The following USH2A variants were observed in gnomAD, a reference collection of about 807,000 sequenced individuals.
The protein encoded by USH2A is usherin, also known as Usher syndrome 2A (autosomal recessive, mild).
In USH2A, 443 loss-of-function variants were observed where a neutral mutation model predicts 538.9. The ratio of observed to expected loss-of-function variants is 0.82; its 90% CI spans 0.76 to 0.89. The LOEUF is 0.89. USH2A is among the 40% of genes least tolerant of loss of function. The probability of loss-of-function intolerance (pLI) is 0.00; values close to 1 mark genes in which losing one functional copy is unlikely to be tolerated. For missense variants in USH2A, 6,633 were observed against 6,324.8 expected, an observed-to-expected ratio of 1.05 and a Z score of -1.65; for synonymous variants, 2,413 against 2,273.5, an observed-to-expected ratio of 1.06 and a Z score of -1.75.
At chr1:216,025,210 T>C (rs922930715) in intron 32 of USH2A, among the ~76,000 whole-genome samples, 6 of 151,832 alleles carry the variant, frequency 4.0e-5, no homozygotes, top group Non-Finnish European at 8.8e-5. Flanking sequence ...TAATAAAATA[T>C]AAATTCAGAG....
intron 71 of USH2A, among the ~76,000 whole-genome samples, chr1:215,626,454 G>A (rs1656028438): frequency 6.6e-6 from 1 of 151,664 alleles, no homozygotes; most frequent in Non-Finnish European, 1.5e-5. Flanking sequence ...TAGTTCAAAC[G>A]GTAAATGGAA....
intron 58 of USH2A, among the ~76,000 whole-genome samples, chr1:215,754,350 A>G (rs1028704155): frequency 6.6e-6 from 1 of 152,180 alleles, no homozygotes; most frequent in Non-Finnish European, 1.5e-5. Flanking sequence ...ACTTATAAAC[A>G]TGTACTAAGG....
chr1:215,960,127 T>A (rs1667164246), intron 37 of USH2A, among the ~76,000 whole-genome samples: 1 of 152,142 alleles, frequency 6.6e-6, no homozygotes, highest in Non-Finnish European at 1.5e-5. Context: ...TTTTCATAGT[T>A]TTTATTTTTC....
At chr1:215,918,871 A>G (rs986115351) in intron 38 of USH2A, among the ~76,000 whole-genome samples, 5 of 152,216 alleles carry the variant, frequency 3.3e-5, no homozygotes, top group African/African-American at 1.2e-4. Flanking sequence ...TAGTCACAAA[A>G]TTATTATCCA....
intron 51 of USH2A, among the ~76,000 whole-genome samples, chr1:215,789,174 T>G (rs1382310891): frequency 6.6e-6 from 1 of 152,234 alleles, no homozygotes; most frequent in Non-Finnish European, 1.5e-5. Context: ...AGAAATATTG[T>G]CCTCATTAGA....
At chr1:215,684,879 C>T (rs1558053250) in intron 61 of USH2A, among the ~76,000 whole-genome samples, 1 of 150,750 alleles carries the variant, frequency 6.6e-6, no homozygotes, top group East Asian at 1.9e-4. Context: ...GAGAATAAGT[C>T]ACATCAAAAA....
At chr1:215,693,342 C>T (rs377466093) in intron 61 of USH2A, among the ~76,000 whole-genome samples, 12 of 151,998 alleles carry the variant, frequency 7.9e-5, no homozygotes, top group African/African-American at 2.9e-4. Context: ...AGTTTTTGCT[C>T]CTACTATGTC....
At chr1:216,248,824 T>C (rs2036102277) in intron 12 of USH2A, among the ~76,000 whole-genome samples, 2 of 152,102 alleles carry the variant, frequency 1.3e-5, no homozygotes, top group Admixed American at 6.5e-5. Context: ...AATCTATTCC[T>C]AACGATAGTC....
At chr1:216,231,237 TATATATATATATTATATATATAA>T in intron 14 of USH2A, among the ~76,000 whole-genome samples, 1 of 41,264 alleles carries the variant, frequency 2.4e-5, no homozygotes, top group East Asian at 2.1e-3. Flanking sequence ...ATATCCCATA[TATATATATATATTATATATATAA>T]TATATATATA....
rs189481966 is a variant in USH2A at position 215,782,254 on chromosome 1, A to G, written c.10586-58T>C. The G allele has an allele frequency of 6.4e-6, 10 of 1,567,598 alleles. No individual in the cohort carries two copies. In the Admixed American group the frequency reaches 1.5e-4, roughly 24 times the overall value. Reference sequence around the variant, plus strand: ...TGTGATATCATTTTAACTATTTGCAAACAACTTACAAATCTTAGTGTTCGG... The same window carrying G: ...TGTGATATCATTTTAACTATTTGCAGACAACTTACAAATCTTAGTGTTCGG... On this transcript the variant is annotated intron_variant, in intron 53 of 71. Coordinates refer to ENST00000307340, the MANE Select transcript of USH2A (RefSeq NM_206933.4).
At chr1:215,847,705 G>A (rs1663902591) in intron 44 of USH2A, among the ~76,000 whole-genome samples, 1 of 151,790 alleles carries the variant, frequency 6.6e-6, no homozygotes. Context: ...GGAGGAAAAA[G>A]TGGCATTTCT....
chr1:215,916,635 G>A (rs749439546), intron 38 of USH2A, among the ~76,000 whole-genome samples: 2 of 152,028 alleles, frequency 1.3e-5, no homozygotes, highest in African/African-American at 2.4e-5. Flanking sequence ...AATGAAAAAT[G>A]GTTCCCATGT....
intron 61 of USH2A, among the ~76,000 whole-genome samples, chr1:215,700,431 T>C (rs1292282859): frequency 1.3e-5 from 2 of 152,222 alleles, no homozygotes; most frequent in African/African-American, 4.8e-5. Context: ...TGAATCCTTC[T>C]GGTCCTGGGC....
chr1:216,105,361 G>GT (rs34761385), intron 21 of USH2A, among the ~76,000 whole-genome samples: 50,303 of 149,772 alleles, frequency 0.34, 9,554 homozygotes, highest in East Asian at 0.82. Context: ...AAGCTTTATT[G>GT]TTTTTTTTTG....
intron 47 of USH2A, among the ~76,000 whole-genome samples, chr1:215,836,468 A>ATATATATATAATATATAT: frequency 7.4e-5 from 1 of 13,542 alleles, no homozygotes; most frequent in African/African-American, 1.5e-4. Context: ...TATATATTAT[A>ATATATATATAATATATAT]TATATATATA....
chr1:215,629,835 G>GT (rs1656203966), intron 70 of USH2A, among the ~76,000 whole-genome samples: 1 of 147,278 alleles, frequency 6.8e-6, no homozygotes, highest in African/African-American at 2.6e-5. Flanking sequence ...GAGTGCAGTG[G>GT]TGCAATCTCG....
intron 16 of USH2A, among the ~76,000 whole-genome samples, chr1:216,200,828 A>G (rs2034971577): frequency 1.3e-5 from 2 of 152,164 alleles, no homozygotes; most frequent in South Asian, 4.1e-4. Flanking sequence ...CGAAACACAC[A>G]AATACCAGAG....
intron 58 of USH2A, among the ~76,000 whole-genome samples, chr1:215,753,717 C>T (rs868644162): frequency 2.2e-4 from 33 of 151,974 alleles, no homozygotes; most frequent in Middle Eastern, 6.8e-3. Flanking sequence ...TGTTAAATGA[C>T]GAGTTAATGG....
At chr1:216,171,143 A>T (rs2034269713) in intron 21 of USH2A, among the ~76,000 whole-genome samples, 1 of 152,106 alleles carries the variant, frequency 6.6e-6, no homozygotes. Flanking sequence ...CTTAAATTGT[A>T]TTAATAAACA....
Sources: gnomAD v4.1 joint callset for allele counts (sites outside exome capture counted in the v4.1 genomes callset) on GRCh38, gnomAD v4.1.1 for gene constraint, MANE v1.5 for transcripts, NCBI Gene and HGNC (gene_info 2026-07-23, HGNC 2026-07-21) for gene names.